Variants in SNTG1 observed in about 807,000 individuals in gnomAD.
SNTG1 encodes the protein gamma-1-syntrophin.
A neutral mutation model predicts 74.7 loss-of-function variants in SNTG1; 39 were observed. The ratio of observed to expected loss-of-function variants is 0.52; its 90% confidence interval spans 0.40 to 0.68. SNTG1 has a LOEUF of 0.68. SNTG1 is among the 30% of genes least tolerant of loss of function. The pLI is 0.00. For synonymous variants in SNTG1, 254 were observed against 217.1 expected (o/e 1.17, Z -1.49); for missense variants, 685 against 609.5 (o/e 1.12, Z -1.30).
At chr8:50,074,791 T>C (rs1821684424) in intron 1 of SNTG1, among the ~76,000 whole-genome samples, 1 of 152,192 alleles carries the variant, frequency 6.6e-6, no homozygotes, top group Non-Finnish European at 1.5e-5. Flanking sequence ...ACTGCTGCAC[T>C]GTGGGAGCCA....
At chr8:50,125,763 C>T (rs556079449) in intron 1 of SNTG1, among the ~76,000 whole-genome samples, 3 of 96,724 alleles carry the variant, frequency 3.1e-5, no homozygotes, top group East Asian at 5.3e-4. Context: ...TGGTGTGTTA[C>T]GTTGCTGTAT....
chr8:50,773,275 T>C (rs2095631932), intron 18 of SNTG1, among the ~76,000 whole-genome samples: 1 of 152,120 alleles, frequency 6.6e-6, no homozygotes, highest in Admixed American at 6.6e-5. Flanking sequence ...GAGGTTCCAA[T>C]GAGGGTCTTT....
At chr8:50,253,171 T>A (rs1383249519) in intron 2 of SNTG1, among the ~76,000 whole-genome samples, 1 of 152,066 alleles carries the variant, frequency 6.6e-6, no homozygotes, top group Non-Finnish European at 1.5e-5. Context: ...TCACTGTTAT[T>A]CCAGCACTTT....
At chr8:50,403,279 C>A (rs2131358793) in intron 4 of SNTG1, among the ~76,000 whole-genome samples, 1 of 152,312 alleles carries the variant, frequency 6.6e-6, no homozygotes, top group Non-Finnish European at 1.5e-5. Context: ...GCTCTCACAT[C>A]ACTTCTTACT....
At chr8:49,958,370 G>A (rs1295350226) in intron 1 of SNTG1, among the ~76,000 whole-genome samples, 1 of 152,122 alleles carries the variant, frequency 6.6e-6, no homozygotes, top group Non-Finnish European at 1.5e-5. Flanking sequence ...CTAACAGGGG[G>A]CAGTGTCCTA....
At chr8:50,336,661 C>A (rs1286714545) in intron 2 of SNTG1, among the ~76,000 whole-genome samples, 1 of 152,186 alleles carries the variant, frequency 6.6e-6, no homozygotes, top group African/African-American at 2.4e-5. Context: ...ATGGTAAACC[C>A]ACACTATGTT....
intron 1 of SNTG1, among the ~76,000 whole-genome samples, chr8:49,922,928 C>T (rs1806685421): frequency 6.6e-6 from 1 of 152,066 alleles, no homozygotes; most frequent in African/African-American, 2.4e-5. Flanking sequence ...TGTTTTTCTC[C>T]ATAAATGTAC....
Position 50,787,881 on chromosome 8 carries a change from AT to A in SNTG1, c.1396-4785del, listed in dbSNP as rs1484699550. On this transcript the variant is annotated intron_variant, in intron 18 of 18. Transcript: ENST00000642720. ...GTGACTTGTACTGGGTATAGGATAT[AT>A]TTTTGGAGTGATAAAAATGTTCTAA... 3.9e-5 allele frequency among the ~76,000 whole-genome samples: 6 copies of A among 152,176 alleles called. No individual in the cohort carries two copies. The East Asian group carries it at 7.7e-4, about 20-fold the overall frequency.
intron 12 of SNTG1, among the ~76,000 whole-genome samples, chr8:50,572,667 C>T (rs1423207760): frequency 1.3e-5 from 2 of 152,074 alleles, no homozygotes; most frequent in Admixed American, 6.6e-5. Flanking sequence ...GCTCTAGAAG[C>T]AAAAGTCATG....
chr8:50,350,015 G>A (rs1311503686), intron 2 of SNTG1, among the ~76,000 whole-genome samples: 1 of 152,212 alleles, frequency 6.6e-6, no homozygotes, highest in Non-Finnish European at 1.5e-5. Flanking sequence ...ACTCAGAGCG[G>A]CCAGCCAGGC....
chr8:50,068,884 T>C (rs1008417431), intron 1 of SNTG1, among the ~76,000 whole-genome samples: 22 of 152,320 alleles, frequency 1.4e-4, no homozygotes, highest in African/African-American at 4.1e-4. Flanking sequence ...TCCTAATCTA[T>C]TCACAGTTAC....
chr8:50,492,596 C>T (rs2093867373), intron 8 of SNTG1, among the ~76,000 whole-genome samples: 1 of 152,002 alleles, frequency 6.6e-6, no homozygotes. Context: ...TTGTTCTTTC[C>T]TTGTAAATTT....
chr8:50,549,158 AAAT>A (rs1390920886), intron 11 of SNTG1, among the ~76,000 whole-genome samples: 1 of 152,180 alleles, frequency 6.6e-6, no homozygotes, highest in African/African-American at 2.4e-5. Flanking sequence ...AAGTCACAAA[AAAT>A]AACTTGAAAA....
intron 2 of SNTG1, among the ~76,000 whole-genome samples, chr8:50,374,440 C>G (rs2092334151): frequency 6.6e-6 from 1 of 152,092 alleles, no homozygotes; most frequent in African/African-American, 2.4e-5. Flanking sequence ...GACTAATCTC[C>G]CTTGCAGGTT....
At chr8:50,379,142 A>G (rs2092438933) in intron 2 of SNTG1, among the ~76,000 whole-genome samples, 1 of 152,146 alleles carries the variant, frequency 6.6e-6, no homozygotes, top group African/African-American at 2.4e-5. Flanking sequence ...TGGTGCCCCA[A>G]GTCTGGAGGC....
intron 15 of SNTG1, among the ~76,000 whole-genome samples, chr8:50,684,065 G>T (rs974819903): frequency 6.6e-6 from 1 of 152,166 alleles, no homozygotes; most frequent in African/African-American, 2.4e-5. Flanking sequence ...TTCATTCTTA[G>T]TAGACATTTA....
At chr8:50,313,609 A>G (rs964599429) in intron 2 of SNTG1, among the ~76,000 whole-genome samples, 3 of 150,044 alleles carry the variant, frequency 2.0e-5, no homozygotes, top group Non-Finnish European at 2.9e-5. Context: ...AATGAGCTAT[A>G]CCTCACACAA....
At chr8:50,419,844 A>T (rs535339978) in intron 4 of SNTG1, among the ~76,000 whole-genome samples, 1 of 152,346 alleles carries the variant, frequency 6.6e-6, no homozygotes, top group South Asian at 2.1e-4. Context: ...AGCCAAAAAA[A>T]ATTCAAAATT....
At chr8:49,924,594 T>G (rs546999445) in intron 1 of SNTG1, among the ~76,000 whole-genome samples, 19 of 152,308 alleles carry the variant, frequency 1.2e-4, no homozygotes, top group African/African-American at 4.6e-4. Context: ...GTTAGGAAGC[T>G]GACCCTCAGA....
Sources: allele counts gnomAD v4.1 joint callset (sites outside exome capture counted in the v4.1 genomes callset), GRCh38; gene constraint gnomAD v4.1.1; transcripts MANE v1.5; gene names NCBI Gene and HGNC (gene_info 2026-07-23, HGNC 2026-07-21).